Variants in CCDC117 observed in about 807,000 individuals in gnomAD.
CCDC117 encodes the protein coiled-coil domain containing 117.
A neutral mutation model predicts 23.5 loss-of-function variants in CCDC117; 1 was observed. The ratio of observed to expected loss-of-function variants is 0.04; its 90% CI spans 0.02 to 0.20. The LOEUF is 0.20. Among genes scored for constraint, CCDC117 ranks in the 10% least tolerant of loss-of-function variants. The probability of loss-of-function intolerance (pLI) is 1.00; values close to 1 mark genes in which losing one functional copy is unlikely to be tolerated. For missense variants in CCDC117, 383 were observed against 348.2 expected (o/e 1.10, Z -0.80); for synonymous variants, 132 against 124.8 (o/e 1.06, Z -0.39).
At chr22:28,780,411 A>G (rs762357434) in intron 2 of CCDC117, among the ~76,000 whole-genome samples, 4 of 152,184 alleles carry the variant, frequency 2.6e-5, no homozygotes, top group African/African-American at 4.8e-5. Flanking sequence ...CCATCTTCCT[A>G]TATGTTTGAT....
chr22:28,783,416 C>G, intron 3 of CCDC117, 92 bp from the exon 4 acceptor site: 1 of 1,286,540 alleles, frequency 7.8e-7, no homozygotes. Flanking sequence ...TGCTTTTATC[C>G]TTTTTTATTT....
intron 1 of CCDC117, 111 bp downstream of exon 1, chr22:28,773,145 A>ATT: frequency 2.9e-6 from 1 of 341,206 alleles, no homozygotes; most frequent in Non-Finnish European, 4.2e-6. Context: ...GGGCTTTTTG[A>ATT]CTCCCTCCCC....
chr22:28,789,219 G>GT lies in CCDC117; in HGVS notation c.*2895dup, dbSNP rs1456294174. 1 of 152,142 alleles carries GT rather than the reference G, an allele frequency of 6.6e-6. No individual in the cohort carries two copies. Among genetic ancestry groups the GT allele is most frequent in the Non-Finnish European group, 1.5e-5 (1 of 68,014 alleles). 9.4% of individuals were successfully genotyped at this position (152,142 alleles called of 1,614,324 possible). A position where few individuals can be genotyped will look rare whatever the true frequency, so the allele number is the denominator to read the frequency against. On this transcript the variant is annotated 3_prime_UTR_variant, in exon 5 of 5. Coordinates refer to ENST00000249064, the MANE Select transcript of CCDC117 (RefSeq NM_173510.4). The stretch of plus-strand genomic sequence containing the variant: ...TTCTAGGAATGTTCTGGAAGATGCT[G>GT]TTAATTTTACTTTAAAATGAGAATC...
intron 2 of CCDC117, 139 bp downstream of exon 2, chr22:28,773,917 G>A: frequency 1.4e-6 from 1 of 704,528 alleles, no homozygotes; most frequent in South Asian, 1.7e-5. Context: ...GACATTGGTT[G>A]TCTTTTAGAG....
chr22:28,773,145 ACTCC>A (rs2031048810), intron 1 of CCDC117, 111 bp downstream of exon 1: 1 of 340,996 alleles, frequency 2.9e-6, no homozygotes, highest in African/African-American at 2.2e-5. Context: ...GGGCTTTTTG[ACTCC>A]CTCCCCACGG....
chr22:28,773,826 AC>A, intron 2 of CCDC117, 48 bp downstream of exon 2: 2 of 1,415,178 alleles, frequency 1.4e-6, no homozygotes, highest in South Asian at 2.3e-5. Context: ...CGTTAGTTGA[AC>A]CCCTGTTATA....
chr22:28,777,467 T>G (rs187486761), intron 2 of CCDC117, among the ~76,000 whole-genome samples: 24 of 152,296 alleles, frequency 1.6e-4, no homozygotes, highest in Non-Finnish European at 3.1e-4. Flanking sequence ...GTGATTTAAT[T>G]TATATTTGTT....
chr22:28,778,116 G>A (rs1275687605), intron 2 of CCDC117, among the ~76,000 whole-genome samples: 1 of 151,932 alleles, frequency 6.6e-6, no homozygotes, highest in East Asian at 2.0e-4. Context: ...AAGTGGCCTC[G>A]GCCTCCCAAA....
At chr22:28,775,627 G>T (rs1028998281) in intron 2 of CCDC117, among the ~76,000 whole-genome samples, 6 of 152,082 alleles carry the variant, frequency 3.9e-5, no homozygotes, top group African/African-American at 1.4e-4. Flanking sequence ...GGCCAGGCGC[G>T]GTGGCTCACA....
At chr22:28,774,824 G>A (rs1218468169) in intron 2 of CCDC117, among the ~76,000 whole-genome samples, 1 of 151,672 alleles carries the variant, frequency 6.6e-6, no homozygotes, top group African/African-American at 2.4e-5. Flanking sequence ...GCCTCATTCT[G>A]TCAGGCTGGA....
In CCDC117 at chr22:28,786,373, G is replaced by T. The variant is rs372804266; in HGVS notation, c.*47G>T. The T allele has an allele frequency of 5.1e-6, 7 of 1,367,816 alleles. No homozygotes were observed. Among genetic ancestry groups the T allele is most frequent in the African/African-American group, 1.4e-5 (1 of 69,320 alleles). 84.7% of individuals were successfully genotyped at this position (1,367,816 alleles called of 1,614,324 possible). A position where few individuals can be genotyped will look rare whatever the true frequency, so the allele number is the denominator to read the frequency against. On this transcript the variant is annotated 3_prime_UTR_variant, in exon 5 of 5. Transcript: ENST00000249064. ...TTGTCAAATGTTAGAAGAATCCTGTGTTCAGTTATGAGACTCTTTGCATAG... is the reference window on the plus strand; with the variant it reads ...TTGTCAAATGTTAGAAGAATCCTGTTTTCAGTTATGAGACTCTTTGCATAG...
intron 2 of CCDC117, among the ~76,000 whole-genome samples, chr22:28,777,999 C>T (rs2031219953): frequency 6.6e-6 from 1 of 151,898 alleles, no homozygotes; most frequent in Non-Finnish European, 1.5e-5. Context: ...GTGCGTGCCA[C>T]CACGCCCGGC....
rs2031515482 is a variant in CCDC117, at chr22:28,786,481, C to A, written c.*155C>A. On this transcript the variant is annotated 3_prime_UTR_variant, in exon 5 of 5. Coordinates refer to ENST00000249064, the MANE Select transcript of CCDC117 (RefSeq NM_173510.4). ...GGGGTGGGACTCTTATTTTGGGTAG[C>A]CATTTATTGACTTCACCTTTTTGCC... The A allele has an allele frequency of 3.4e-6, 2 of 580,656 alleles. No homozygotes were observed. The highest frequency in any genetic ancestry group is 6.0e-6 in the Non-Finnish European group (2 of 335,424). 36.0% of individuals were successfully genotyped at this position (580,656 alleles called of 1,614,324 possible). A position where few individuals can be genotyped will look rare whatever the true frequency, so the allele number is the denominator to read the frequency against.
intron 2 of CCDC117, among the ~76,000 whole-genome samples, chr22:28,777,362 ATT>A (rs1479176522): frequency 3.2e-5 from 4 of 124,202 alleles, no homozygotes; most frequent in African/African-American, 1.0e-4. Flanking sequence ...TATTGTCATC[ATT>A]GTTTGTTTTG....
chr22:28,777,910 G>T (rs6005874), intron 2 of CCDC117, among the ~76,000 whole-genome samples: 5,180 of 150,404 alleles, frequency 0.034, 169 homozygotes, highest in South Asian at 0.11. Flanking sequence ...CAGTACAGTC[G>T]CACGATCAGG....
At position 28,786,534 on chromosome 22, in the gene CCDC117, G is replaced by A. The variant is rs2031516951; in HGVS notation, c.*208G>A. 8 of 525,162 alleles carry A rather than the reference G, an allele frequency of 1.5e-5. No individual in the cohort carries two copies. The South Asian group carries it at 1.5e-4, about 10-fold the overall frequency. 32.5% of individuals were successfully genotyped at this position (525,162 alleles called of 1,614,324 possible). ...GGACGTTTGTCTCAAGGGAAAAGCA[G>A]TTTTCTGTGGGGCTTATTAAAGGAA... On this transcript the variant is annotated 3_prime_UTR_variant, in exon 5 of 5. Transcript: ENST00000249064.
In CCDC117 at chr22:28,788,453, G is replaced by T. The variant is rs1417354465; in HGVS notation, c.*2127G>T. ...GTCTTCTACAGGAATTGCTGGGCAG[G>T]TCTCCGACTAAAGGTCTTATGATGA... On this transcript the variant is annotated 3_prime_UTR_variant, in exon 5 of 5. Coordinates refer to ENST00000249064, the MANE Select transcript of CCDC117 (RefSeq NM_173510.4). The T allele has an allele frequency of 1.3e-5, 2 of 152,324 alleles. No homozygotes were observed. Among genetic ancestry groups the T allele is most frequent in the Non-Finnish European group, 2.9e-5 (2 of 68,032 alleles). 9.4% of individuals were successfully genotyped at this position (152,324 alleles called of 1,614,324 possible).
intron 1 of CCDC117, 28 bp downstream of exon 1, chr22:28,773,062 AGGGC>A (rs139091725): frequency 1.3e-4 from 80 of 597,730 alleles, no homozygotes; most frequent in South Asian, 7.7e-4. Context: ...CGCAGGGCGC[AGGGC>A]GGGCGGGCGG....
rs1212074817 is a variant in CCDC117, at chr22:28,786,925, TGAA to T, written c.*600_*602del. 1 of 152,676 alleles carries T rather than the reference TGAA, an allele frequency of 6.5e-6. No individual in the cohort carries two copies. Among genetic ancestry groups the T allele is most frequent in the Non-Finnish European group, 1.5e-5 (1 of 68,062 alleles). 9.5% of individuals were successfully genotyped at this position (152,676 alleles called of 1,614,324 possible). ...GTATTGTGGCTCTCCTCTTTGACTATGAAAATATAGAGAAAGTTTTTTCTTTAA... is the reference window on the plus strand; with the variant it reads ...GTATTGTGGCTCTCCTCTTTGACTATAATATAGAGAAAGTTTTTTCTTTAA... On this transcript the variant is annotated 3_prime_UTR_variant, in exon 5 of 5. Transcript: ENST00000249064.
Sources: gnomAD v4.1 joint callset for allele counts (sites outside exome capture counted in the v4.1 genomes callset) on GRCh38, gnomAD v4.1.1 for gene constraint, MANE v1.5 for transcripts, NCBI Gene and HGNC (gene_info 2026-07-23, HGNC 2026-07-21) for gene names.